PRDM16: variants seen among roughly 807,000 people sequenced by gnomAD.
PRDM16 encodes the protein histone-lysine N-methyltransferase PRDM16.
In PRDM16, 23 loss-of-function variants were observed where a neutral mutation model predicts 110.6. The observed-to-expected ratio is 0.21, with a 90% CI of 0.15 to 0.29. The LOEUF (loss-of-function observed/expected upper bound fraction) is 0.29, where lower values mean the gene tolerates loss of function less well. Ranked by LOEUF, PRDM16 falls within the 10% of genes least tolerant of loss-of-function variation. The probability of loss-of-function intolerance (pLI) is 1.00; values close to 1 mark genes in which losing one functional copy is unlikely to be tolerated. For missense variants in PRDM16, 1,615 were observed against 1,794.3 expected, an observed-to-expected ratio of 0.90 and a Z score of 1.81; for synonymous variants, 799 against 781.8, an observed-to-expected ratio of 1.02 and a Z score of -0.37.
Position 3,319,165 on chromosome 1 carries a change from C to G in PRDM16, c.439-65987C>G, listed in dbSNP as rs1398688513. ...GGGACTGCTGAGGCTGGAGGTCCAG[C>G]CAGCTCCAAAGGGTACAGCCCAGGG... On this transcript the variant is annotated intron_variant, in intron 3 of 16. Transcript: ENST00000270722. 2.0e-5 allele frequency among the ~76,000 whole-genome samples: 3 copies of G among 152,228 alleles called. No homozygotes were observed. The East Asian group carries it at 5.8e-4, about 29-fold the overall frequency.
At chr1:3,138,373 C>T (rs552780642) in intron 1 of PRDM16, among the ~76,000 whole-genome samples, 6 of 152,334 alleles carry the variant, frequency 3.9e-5, no homozygotes, top group African/African-American at 4.8e-5. Flanking sequence ...AGCCCATCAG[C>T]GGGGAGGCAT....
chr1:3,222,421 C>T (rs2651893), intron 2 of PRDM16, among the ~76,000 whole-genome samples: 17,541 of 152,164 alleles, frequency 0.12, 2,501 homozygotes, highest in African/African-American at 0.34. Flanking sequence ...TCCCTCCCTC[C>T]GCCATGAGGA....
chr1:3,171,226 G>T (rs562037856), intron 1 of PRDM16, among the ~76,000 whole-genome samples: 1 of 152,266 alleles, frequency 6.6e-6, no homozygotes. Context: ...AGGAACTAAA[G>T]AGATAAATAA....
chr1:3,435,521 T>C lies in PRDM16; in HGVS notation c.*1710T>C, dbSNP rs1413608789. The C allele has an allele frequency of 4.3e-6, 1 of 231,806 alleles. No individual in the cohort carries two copies. Among genetic ancestry groups the C allele is most frequent in the Non-Finnish European group, 8.5e-6 (1 of 117,238 alleles). The allele number at this position is 231,806 out of a possible 1,614,324, so 14.4% of individuals were successfully genotyped here. On this transcript the variant is annotated 3_prime_UTR_variant, in exon 17 of 17. Transcript: ENST00000270722. ...GCATTTAAGACAAGTGTTCTATTTA[T>C]TTCTTGTATTGTTTGGAAGAAAAAA...
At chr1:3,154,007 C>T (rs1465708091) in intron 1 of PRDM16, among the ~76,000 whole-genome samples, 1 of 152,212 alleles carries the variant, frequency 6.6e-6, no homozygotes, top group Non-Finnish European at 1.5e-5. Flanking sequence ...GGCTGACGCA[C>T]GGAAAATACA....
At chr1:3,420,779 G>A (rs538073557) in intron 12 of PRDM16, among the ~76,000 whole-genome samples, 14 of 152,308 alleles carry the variant, frequency 9.2e-5, no homozygotes, top group African/African-American at 2.9e-4. Flanking sequence ...TAGGCTTTGC[G>A]GGATTTGGGT....
chr1:3,327,847 G>T (rs920316344), intron 3 of PRDM16, among the ~76,000 whole-genome samples: 2 of 152,214 alleles, frequency 1.3e-5, no homozygotes, highest in Non-Finnish European at 2.9e-5. Context: ...GCTGATGCTG[G>T]CAGTGCCCTG....
At chr1:3,233,113 C>T (rs1639453177) in intron 2 of PRDM16, among the ~76,000 whole-genome samples, 1 of 152,216 alleles carries the variant, frequency 6.6e-6, no homozygotes, top group Non-Finnish European at 1.5e-5. Flanking sequence ...GAAAGCGAAG[C>T]TCCCTGGGGA....
chr1:3,345,562 T>A (rs1464232509), intron 3 of PRDM16, among the ~76,000 whole-genome samples: 1 of 152,198 alleles, frequency 6.6e-6, no homozygotes, highest in Non-Finnish European at 1.5e-5. Context: ...CTAAGGACAC[T>A]CAGCCAGTAG....
intron 2 of PRDM16, among the ~76,000 whole-genome samples, chr1:3,192,812 G>A (rs1002253758): frequency 2.6e-5 from 4 of 152,166 alleles, no homozygotes; most frequent in African/African-American, 4.8e-5. Context: ...AGACACACCC[G>A]GCTGCCTTGT....
In PRDM16 at chr1:3,411,958, T is replaced by G; in HGVS notation, c.1761T>G (p.Cys587Trp). Residue 587 changes from cysteine (C) to tryptophan (W), a missense_variant, in exon 9 of 17, where the codon TGT becomes TGG. This residue lies in a region of PRDM16 where 772 missense variants were observed against 748.3 expected (regional missense o/e 1.03). Transcript: ENST00000270722. Reference sequence around the variant, plus strand: ...TCGAGAGCCGCCTGGAGGACTCCTGTGTGGAGAAGCTGAAGACCAGGAGCA... The same window carrying G: ...TCGAGAGCCGCCTGGAGGACTCCTGGGTGGAGAAGCTGAAGACCAGGAGCA... ...EKFESRLEDS[C>W]VEKLKTRSSD... The G allele has an allele frequency of 6.2e-7, 1 of 1,613,482 alleles. No individual in the cohort carries two copies. Among genetic ancestry groups the G allele is most frequent in the Admixed American group, 1.7e-5 (1 of 60,004 alleles).
chr1:3,268,785 T>A (rs1296629441), intron 3 of PRDM16, among the ~76,000 whole-genome samples: 1 of 152,128 alleles, frequency 6.6e-6, no homozygotes, highest in Non-Finnish European at 1.5e-5. Flanking sequence ...TCCTGGTATA[T>A]TCGAGGAGGG....
At chr1:3,365,573 A>T (rs1405126301) in intron 3 of PRDM16, among the ~76,000 whole-genome samples, 1 of 152,172 alleles carries the variant, frequency 6.6e-6, no homozygotes, top group East Asian at 1.9e-4. Context: ...GTGCCCCCAG[A>T]GTCAGCCAAC....
intron 3 of PRDM16, chr1:3,307,081 C>T (rs1344057101): frequency 3.3e-5 from 5 of 152,262 alleles, no homozygotes; most frequent in Non-Finnish European, 7.3e-5. Context: ...CATCCATCCA[C>T]TGATGGGCAT....
chr1:3,231,378 G>A (rs985228648), intron 2 of PRDM16, among the ~76,000 whole-genome samples: 2 of 152,110 alleles, frequency 1.3e-5, no homozygotes, highest in Non-Finnish European at 2.9e-5. Context: ...CATCTTCCCC[G>A]TCGTCATGGA....
intron 1 of PRDM16, among the ~76,000 whole-genome samples, chr1:3,070,530 G>T (rs1335704592): frequency 6.7e-6 from 1 of 149,786 alleles, no homozygotes; most frequent in South Asian, 2.1e-4. Flanking sequence ...CCCCTCCTCT[G>T]CAGGCCGCCC....
intron 3 of PRDM16, among the ~76,000 whole-genome samples, chr1:3,311,453 C>A (rs940348158): frequency 6.6e-6 from 1 of 152,188 alleles, no homozygotes; most frequent in African/African-American, 2.4e-5. Flanking sequence ...AATCTGGCCC[C>A]GCCATGAAGC....
intron 2 of PRDM16, among the ~76,000 whole-genome samples, chr1:3,232,549 C>A (rs1033515778): frequency 6.6e-6 from 1 of 152,150 alleles, no homozygotes; most frequent in Admixed American, 6.5e-5. Flanking sequence ...GTTTGCGGAA[C>A]TCAGAAATGC....
chr1:3,191,078 A>G (rs946565646), intron 2 of PRDM16, among the ~76,000 whole-genome samples: 1 of 151,968 alleles, frequency 6.6e-6, no homozygotes, highest in South Asian at 2.1e-4. Flanking sequence ...TTCTTTGTTG[A>G]CTGTGTCTCC....
Sources: gnomAD v4.1 joint callset for allele counts (sites outside exome capture counted in the v4.1 genomes callset) on GRCh38, gnomAD v4.1.1 for gene constraint, gnomAD v4.1.1 regional missense constraint, MANE v1.5 for transcripts, NCBI Gene and HGNC (gene_info 2026-07-23, HGNC 2026-07-21) for gene names.